PDE4B: variants seen among roughly 807,000 people sequenced by gnomAD.
PDE4B encodes the protein 3',5'-cyclic-AMP phosphodiesterase 4B.
Under a neutral mutation model 82.2 loss-of-function variants are expected in PDE4B, and 20 were observed. The ratio of observed to expected loss-of-function variants is 0.24; its 90% confidence interval spans 0.17 to 0.35. The LOEUF (loss-of-function observed/expected upper bound fraction) is 0.35. Among genes scored for constraint, PDE4B ranks in the 10% least tolerant of loss-of-function variants. The pLI, the probability that PDE4B is intolerant of heterozygous loss-of-function variation, is 1.00. For synonymous variants in PDE4B, 320 were observed against 318.9 expected, an observed-to-expected ratio of 1.00 and a Z score of -0.04; for missense variants, 655 against 907.2, an observed-to-expected ratio of 0.72 and a Z score of 3.57.
At chr1:66,036,163 T>A (rs1654049202) in intron 3 of PDE4B, among the ~76,000 whole-genome samples, 1 of 152,202 alleles carries the variant, frequency 6.6e-6, no homozygotes, top group Non-Finnish European at 1.5e-5. Flanking sequence ...TTGCCCATTT[T>A]TAAAGTTATT....
At chr1:65,852,943 C>T (rs1646347974) in intron 1 of PDE4B, among the ~76,000 whole-genome samples, 1 of 151,896 alleles carries the variant, frequency 6.6e-6, no homozygotes, top group South Asian at 2.1e-4. Flanking sequence ...TACAGATTGC[C>T]TGTCTGCTTG....
chr1:65,957,969 C>T (rs1649342742), intron 3 of PDE4B, among the ~76,000 whole-genome samples: 1 of 151,992 alleles, frequency 6.6e-6, no homozygotes, highest in African/African-American at 2.4e-5. Context: ...CACTGTGTTT[C>T]TTCCCTTCTA....
intron 3 of PDE4B, among the ~76,000 whole-genome samples, chr1:66,145,686 A>G (rs1412748318): frequency 1.3e-5 from 2 of 152,178 alleles, no homozygotes; most frequent in Admixed American, 6.5e-5. Flanking sequence ...TCTTCAGATG[A>G]TGGGAAGTGA....
intron 1 of PDE4B, among the ~76,000 whole-genome samples, chr1:65,901,713 G>C (rs956584982): frequency 6.6e-6 from 1 of 151,954 alleles, no homozygotes; most frequent in Non-Finnish European, 1.5e-5. Flanking sequence ...AATTTAGCTA[G>C]TGTTCTATTC....
intron 2 of PDE4B, among the ~76,000 whole-genome samples, chr1:65,915,790 T>C (rs1006659848): frequency 2.0e-5 from 3 of 152,206 alleles, no homozygotes; most frequent in Non-Finnish European, 4.4e-5. Context: ...GCAAGAATAC[T>C]GACTTTTAAA....
chr1:65,909,865 T>C (rs12068439), intron 1 of PDE4B, among the ~76,000 whole-genome samples: 71,800 of 152,008 alleles, frequency 0.47, 17,365 homozygotes, highest in South Asian at 0.67. Context: ...CTTACGCTAG[T>C]AGGGAGCATG....
chr1:66,159,548 A>T (rs1023346563), intron 3 of PDE4B, among the ~76,000 whole-genome samples: 11 of 152,108 alleles, frequency 7.2e-5, no homozygotes, highest in Non-Finnish European at 1.3e-4. Flanking sequence ...GCCAAAATAA[A>T]ACTTTTTTAA....
chr1:66,269,874 A>T (rs1020073873), intron 7 of PDE4B, among the ~76,000 whole-genome samples: 3 of 152,226 alleles, frequency 2.0e-5, no homozygotes, highest in Non-Finnish European at 4.4e-5. Context: ...ATGTGACTTG[A>T]TGTAAAATAA....
chr1:66,367,814 G>A lies in PDE4B; in HGVS notation c.1503G>A (p.Lys501=). 1 of 1,613,834 alleles carries A rather than the reference G, an allele frequency of 6.2e-7. No homozygotes were observed. The highest frequency in any genetic ancestry group is 8.5e-7 in the Non-Finnish European group (1 of 1,179,824). The change falls in exon 14 of 17, where the codon AAG becomes AAA. Residue 501 remains lysine (K), a synonymous_variant. Transcript: ENST00000341517. ...ACATCTTCATGAATCTCACCAAGAA[G>A]CAGCGTCAGACACTCAGGAAGATGG... ...HCDIFMNLTK[K]QRQTLRKMVI...
chr1:66,212,274 G>A (rs1261071419), intron 3 of PDE4B, among the ~76,000 whole-genome samples: 1 of 152,090 alleles, frequency 6.6e-6, no homozygotes, highest in Non-Finnish European at 1.5e-5. Context: ...CTAAGTAAAG[G>A]CCCAATGGGC....
At chr1:66,282,869 T>G (rs756972704) in intron 7 of PDE4B, among the ~76,000 whole-genome samples, 1 of 152,162 alleles carries the variant, frequency 6.6e-6, no homozygotes, top group African/African-American at 2.4e-5. Context: ...AGCCCCTCAG[T>G]AAGAATCTGG....
At chr1:65,830,692 C>T (rs1295541638) in intron 1 of PDE4B, among the ~76,000 whole-genome samples, 1 of 151,974 alleles carries the variant, frequency 6.6e-6, no homozygotes, top group Non-Finnish European at 1.5e-5. Context: ...AGAAGCTCTC[C>T]CAGACAACAG....
intron 3 of PDE4B, among the ~76,000 whole-genome samples, chr1:65,933,514 G>A (rs1647954245): frequency 1.3e-5 from 2 of 152,078 alleles, no homozygotes; most frequent in African/African-American, 4.8e-5. Flanking sequence ...CCAATATAGT[G>A]AAACCCCATC....
At position 66,372,561 on chromosome 1, in the gene PDE4B, A is replaced by T. The variant is rs372714875; in HGVS notation, c.2094A>T (p.Gly698=). The T allele has an allele frequency of 1.9e-6, 3 of 1,614,056 alleles. No homozygotes were observed. The highest frequency in any genetic ancestry group is 1.3e-5 in the African/African-American group (1 of 74,936). Reference sequence around the variant, plus strand: ...AAGGACCTGAGAAGGAGGGAGAGGGACACAGCTATTTCAGCAGCACAAAGA... The same window carrying T: ...AAGGACCTGAGAAGGAGGGAGAGGGTCACAGCTATTTCAGCAGCACAAAGA... ...DSEGPEKEGE[G]HSYFSSTKTL... is the part of the protein sequence containing the mutation. The change falls in exon 17 of 17, where the codon GGA becomes GGT. Residue 698 remains glycine, a synonymous_variant. Transcript: ENST00000341517.
At chr1:65,917,324 G>C (rs1282762638) in intron 2 of PDE4B, among the ~76,000 whole-genome samples, 1 of 152,224 alleles carries the variant, frequency 6.6e-6, no homozygotes. Context: ...TCTAGTCTCA[G>C]GTTCTCCTAA....
At chr1:66,015,338 AT>A (rs1197771492) in intron 3 of PDE4B, among the ~76,000 whole-genome samples, 2 of 152,142 alleles carry the variant, frequency 1.3e-5, no homozygotes, top group African/African-American at 2.4e-5. Flanking sequence ...AAGATGCCCA[AT>A]TGACAATATA....
At chr1:66,012,273 TAACATGTTCTCAA>T (rs1402870109) in intron 3 of PDE4B, among the ~76,000 whole-genome samples, 2 of 152,166 alleles carry the variant, frequency 1.3e-5, no homozygotes, top group East Asian at 3.8e-4. Context: ...TTTTCACTTT[TAACATGTTCTCAA>T]ATTCTCTAGG....
At chr1:66,126,649 CA>C (rs2101095970) in intron 3 of PDE4B, among the ~76,000 whole-genome samples, 1 of 152,264 alleles carries the variant, frequency 6.6e-6, no homozygotes, top group South Asian at 2.1e-4. Flanking sequence ...TAGAGAAATA[CA>C]AAGTTGCCAT....
At chr1:66,372,169 ATTGTGAGTGCCCAAATC>A in intron 16 of PDE4B, 127 bp from the exon 17 acceptor site, 1 of 792,434 alleles carries the variant, frequency 1.3e-6, no homozygotes, top group South Asian at 1.7e-5. Flanking sequence ...GACCCACTGT[ATTGTGAGTGCCCAAATC>A]ATGGAATCCA....
Sources: allele counts gnomAD v4.1 joint callset (sites outside exome capture counted in the v4.1 genomes callset), GRCh38; gene constraint gnomAD v4.1.1; transcripts MANE v1.5; gene names NCBI Gene and HGNC (gene_info 2026-07-23, HGNC 2026-07-21).